The following DYRK1A variants were observed in gnomAD, a reference collection of about 807,000 sequenced individuals.
DYRK1A encodes the protein dual specificity tyrosine-phosphorylation-regulated kinase 1A.
In DYRK1A, 9 loss-of-function variants were observed where a neutral mutation model predicts 79.7. That is an observed-to-expected ratio of 0.11 (90% CI 0.07 to 0.20). DYRK1A has a LOEUF of 0.20. Among genes scored for constraint, DYRK1A ranks in the 10% least tolerant of loss-of-function variants. The probability of loss-of-function intolerance (pLI) is 1.00; values close to 1 mark genes in which losing one functional copy is unlikely to be tolerated. For missense variants in DYRK1A, 622 were observed against 956.0 expected (o/e 0.65, Z 4.61); for synonymous variants, 349 against 329.7 (o/e 1.06, Z -0.63).
At chr21:37,413,527 T>C (rs1415582278) in intron 1 of DYRK1A, among the ~76,000 whole-genome samples, 6 of 152,196 alleles carry the variant, frequency 3.9e-5, no homozygotes, top group African/African-American at 1.2e-4. Context: ...AAGCTAGTTA[T>C]GAGAAGGGCT....
At chr21:37,420,476 G>C in intron 2 of DYRK1A, 92 bp downstream of exon 2, 1 of 1,301,940 alleles carries the variant, frequency 7.7e-7, no homozygotes, top group Non-Finnish European at 1.1e-6. Flanking sequence ...CTGATAAATA[G>C]CAGTTAGTGG....
In DYRK1A at chr21:37,496,159, A is replaced by G. The variant is rs1224653295; in HGVS notation, c.1113A>G (p.Pro371=). 3 of 1,613,994 alleles carry G rather than the reference A, an allele frequency of 1.9e-6. No individual in the cohort carries two copies. The highest frequency in any genetic ancestry group is 2.2e-5 in the South Asian group (2 of 91,022). ...AAATAGTGGAAGTTCTGGGTATTCC[A>G]CCTGCTCATATTCTTGACCAAGCAC... ...MNKIVEVLGI[P]PAHILDQAPK... The change falls in exon 9 of 12, where the codon CCA becomes CCG. Residue 371 remains proline, a synonymous_variant. Coordinates refer to ENST00000647188, the MANE Select transcript of DYRK1A (RefSeq NM_001347721.2).
intron 2 of DYRK1A, among the ~76,000 whole-genome samples, chr21:37,434,503 T>C (rs1446690299): frequency 6.6e-6 from 1 of 152,194 alleles, no homozygotes; most frequent in Non-Finnish European, 1.5e-5. Context: ...AAAACTATCT[T>C]TGTAGCTGTT....
chr21:37,430,391 C>T, intron 2 of DYRK1A: 2 of 985,332 alleles, frequency 2.0e-6, no homozygotes, highest in Non-Finnish European at 2.4e-6. Context: ...AATGTTACCA[C>T]TGGATTGAGG....
chr21:37,413,516 T>C (rs1316234672), intron 1 of DYRK1A, among the ~76,000 whole-genome samples: 3 of 152,226 alleles, frequency 2.0e-5, no homozygotes, highest in Non-Finnish European at 4.4e-5. Flanking sequence ...GCATTTCTTA[T>C]AAGCTAGTTA....
chr21:37,493,255 A>C (rs2053157185), intron 8 of DYRK1A, 92 bp downstream of exon 8: 2 of 1,291,402 alleles, frequency 1.5e-6, no homozygotes, highest in East Asian at 2.3e-5. Context: ...TTTTTAGGCA[A>C]AGATGTCTAC....
intron 2 of DYRK1A, among the ~76,000 whole-genome samples, chr21:37,426,876 C>A (rs1235012787): frequency 1.4e-5 from 2 of 144,734 alleles, no homozygotes; most frequent in Admixed American, 6.9e-5. Context: ...GCCGAGATAG[C>A]GCCACTGGAC....
At chr21:37,381,960 GTAGT>G (rs1443544121) in intron 1 of DYRK1A, among the ~76,000 whole-genome samples, 2 of 152,356 alleles carry the variant, frequency 1.3e-5, no homozygotes, top group Non-Finnish European at 2.9e-5. Context: ...AATGAGTCGT[GTAGT>G]TAGAAAATTG....
At chr21:37,421,444 A>C (rs2050473005) in intron 2 of DYRK1A, among the ~76,000 whole-genome samples, 1 of 152,102 alleles carries the variant, frequency 6.6e-6, no homozygotes, top group Admixed American at 6.6e-5. Context: ...TAAATTAGAG[A>C]GTATATAATA....
At chr21:37,460,254 G>T (rs572815136) in intron 2 of DYRK1A, among the ~76,000 whole-genome samples, 1 of 151,992 alleles carries the variant, frequency 6.6e-6, no homozygotes, top group Non-Finnish European at 1.5e-5. Context: ...TTTGTTTCCT[G>T]TTGACATTTT....
chr21:37,488,720 T>C (rs2052965451), intron 6 of DYRK1A: 1 of 985,290 alleles, frequency 1.0e-6, no homozygotes, highest in Admixed American at 6.1e-5. Context: ...AGATCTTTCA[T>C]TGGACGAACA....
chr21:37,494,941 C>T (rs1042068426), intron 8 of DYRK1A, among the ~76,000 whole-genome samples: 1 of 44,110 alleles, frequency 2.3e-5, no homozygotes, highest in Admixed American at 2.7e-4. Flanking sequence ...GAACAAGACT[C>T]CATTAAAAAA....
In DYRK1A at chr21:37,505,436, A is replaced by G. The variant is rs1171198534; in HGVS notation, c.1366A>G (p.Lys456Glu). 2 of 1,614,086 alleles carry G rather than the reference A, an allele frequency of 1.2e-6. No homozygotes were observed. The change falls in exon 10 of 12, where the codon AAA becomes GAA. Residue 456 changes from lysine to glutamate, a missense_variant. By Grantham distance (56) the Lys-to-Glu change is moderately conservative. Transcript: ENST00000647188. ...TTTAAGGATGCTTGATTATGACCCC[A>G]AAACTCGAATTCAACCTTATTATGC... ...LILRMLDYDP[K>E]TRIQPYYALQ... is the part of the protein sequence containing the mutation.
At chr21:37,505,206 A>C in intron 9 of DYRK1A, 77 bp from the exon 10 acceptor site, 1 of 1,191,250 alleles carries the variant, frequency 8.4e-7, no homozygotes. Context: ...ATATTTAAAC[A>C]TATTTGAAAT....
intron 9 of DYRK1A, among the ~76,000 whole-genome samples, chr21:37,496,667 T>C (rs1050603480): frequency 6.6e-6 from 1 of 152,056 alleles, no homozygotes; most frequent in Non-Finnish European, 1.5e-5. Context: ...TTAAGTTCAG[T>C]TGGTAAATTA....
In DYRK1A at chr21:37,412,629, C is replaced by G. The variant is rs571381674; in HGVS notation, c.-76-7670C>G. ...TGAATTAAGGACTTGGTTCAGGTGACTAAAGTGAGCATGGAGAGGAATGGA... is the reference window on the plus strand; with the variant it reads ...TGAATTAAGGACTTGGTTCAGGTGAGTAAAGTGAGCATGGAGAGGAATGGA... On this transcript the variant is annotated intron_variant, in intron 1 of 11. Coordinates refer to ENST00000647188, the MANE Select transcript of DYRK1A (RefSeq NM_001347721.2). Among the ~76,000 whole-genome samples, 10 of 152,142 alleles carry G rather than the reference C, an allele frequency of 6.6e-5. No homozygotes were observed. The South Asian group carries it at 2.1e-3, about 32-fold the overall frequency.
chr21:37,483,836 G>C (rs2052749037), intron 5 of DYRK1A, among the ~76,000 whole-genome samples: 5 of 152,028 alleles, frequency 3.3e-5, no homozygotes, highest in Admixed American at 3.3e-4. Context: ...TCGCATCTCA[G>C]CTTCCCACAG....
At chr21:37,450,225 A>T (rs1037430147) in intron 2 of DYRK1A, among the ~76,000 whole-genome samples, 1 of 152,108 alleles carries the variant, frequency 6.6e-6, no homozygotes, top group African/African-American at 2.4e-5. Flanking sequence ...AAGGTAGGAG[A>T]TTTGTTAGTT....
intron 1 of DYRK1A, among the ~76,000 whole-genome samples, chr21:37,400,602 A>C (rs754845638): frequency 2.0e-5 from 3 of 152,202 alleles, no homozygotes; most frequent in Admixed American, 6.5e-5. Flanking sequence ...TCTGTTTTTT[A>C]TAACAATGGT....
Sources: allele counts gnomAD v4.1 joint callset (sites outside exome capture counted in the v4.1 genomes callset), GRCh38; gene constraint gnomAD v4.1.1; transcripts MANE v1.5; gene names NCBI Gene and HGNC (gene_info 2026-07-23, HGNC 2026-07-21).